TPMT: variants seen among roughly 807,000 people sequenced by gnomAD.
TPMT encodes thiopurine S-methyltransferase.
Under a neutral mutation model 34.2 loss-of-function variants are expected in TPMT, and 18 were observed. The observed-to-expected ratio is 0.53, with a 90% CI of 0.36 to 0.78. TPMT has a LOEUF of 0.78. Among genes scored for constraint, TPMT ranks in the 30% least tolerant of loss-of-function variants. TPMT has a pLI of 0.00. For synonymous variants in TPMT, 69 were observed against 92.4 expected, an observed-to-expected ratio of 0.75 and a Z score of 1.45; for missense variants, 265 against 288.1, an observed-to-expected ratio of 0.92 and a Z score of 0.58.
rs1392782694 is a variant in TPMT at position 18,130,292 on chromosome 6, AT to A, written c.*375del. The A allele has an allele frequency of 2.1e-5, 4 of 192,472 alleles. No homozygotes were observed. The highest frequency in any genetic ancestry group is 8.8e-5 in the South Asian group (1 of 11,398). The allele number at this position is 192,472 out of a possible 1,614,324, so 11.9% of individuals were successfully genotyped here. A position where few individuals can be genotyped will look rare whatever the true frequency, so the allele number is the denominator to read the frequency against. ...AAGAACGAAACTCCATCTCAAAAAA[AT>A]AAAACAAAATAAATGCCAGTTTTTC... On this transcript the variant is annotated 3_prime_UTR_variant, in exon 9 of 9. Transcript: ENST00000309983. The surrounding 1 kb of genome is among the most constrained non-coding windows in gnomAD (Gnocchi z 4.2).
chr6:18,137,876 C>T (rs1467676362), intron 6 of TPMT, among the ~76,000 whole-genome samples: 2 of 152,206 alleles, frequency 1.3e-5, no homozygotes, highest in South Asian at 2.1e-4. Context: ...ACCTCTGCCT[C>T]CTGGGTTCAA....
Position 18,148,953 on chromosome 6 carries a change from G to T in TPMT, c.140+35C>A. 1 of 1,612,116 alleles carries T rather than the reference G, an allele frequency of 6.2e-7. No homozygotes were observed. The highest frequency in any genetic ancestry group is 8.5e-7 in the Non-Finnish European group (1 of 1,179,782). On this transcript the variant is annotated intron_variant, in intron 2 of 8. Transcript: ENST00000309983. This position sits in a 1 kb window ranked among gnomAD's most constrained non-coding sequence, Gnocchi z 4.1. ...TCTATCTCAAAGTCACTTTTTGATA[G>T]AACATTTCTCTATTGTATACCAAAT...
chr6:18,144,550 T>A (rs1269792827), intron 3 of TPMT, among the ~76,000 whole-genome samples: 1 of 151,888 alleles, frequency 6.6e-6, no homozygotes, highest in South Asian at 2.1e-4. Context: ...GGCTAATTTT[T>A]GTATTTTTAG....
Position 18,130,489 on chromosome 6 carries a change from T to G in TPMT, c.*179A>C. 1 of 562,258 alleles carries G rather than the reference T, an allele frequency of 1.8e-6. No homozygotes were observed. Among genetic ancestry groups the G allele is most frequent in the Non-Finnish European group, 3.2e-6 (1 of 313,052 alleles). The allele number at this position is 562,258 out of a possible 1,614,324, so 34.8% of individuals were successfully genotyped here. On this transcript the variant is annotated 3_prime_UTR_variant, in exon 9 of 9. Coordinates refer to ENST00000309983, the MANE Select transcript of TPMT (RefSeq NM_000367.5). The surrounding 1 kb of genome is among the most constrained non-coding windows in gnomAD (Gnocchi z 4.2). ...ACTTTAAAAGTTTAGTTACATCTTT[T>G]TCTTCTAAAACTTTTTTAGAAAAAG...
In TPMT at chr6:18,154,732, C is replaced by CACT. The variant is rs1215042805; in HGVS notation, c.-45+298_-45+300dup. 6.6e-6 allele frequency among the ~76,000 whole-genome samples: 1 copy of CACT among 152,040 alleles called. No homozygotes were observed. Among genetic ancestry groups the CACT allele is most frequent in the Non-Finnish European group, 1.5e-5 (1 of 68,004 alleles). On this transcript the variant is annotated intron_variant, in intron 1 of 8. Transcript: ENST00000309983. The surrounding 1 kb of genome is among the most constrained non-coding windows in gnomAD (Gnocchi z 4.2). ...AGGTTACAGTGAGCTATGATTGTGC[C>CACT]ACTGCACGCTAGCATGGGCGACAGA...
Position 18,138,886 on chromosome 6 carries a change from T to A in TPMT, c.494+77A>T. ...ATTTCAAACTCATAGAAGTCTAAGC[T>A]GATTTTCTAGAACCCAGAAAAAGTA... On this transcript the variant is annotated intron_variant, in intron 6 of 8. Coordinates refer to ENST00000309983, the MANE Select transcript of TPMT (RefSeq NM_000367.5). The surrounding 1 kb of genome is among the most constrained non-coding windows in gnomAD (Gnocchi z 4.1). 5 of 1,237,278 alleles carry A rather than the reference T, an allele frequency of 4.0e-6. No homozygotes were observed. The South Asian group carries it at 6.3e-5, about 16-fold the overall frequency. 76.6% of individuals were successfully genotyped at this position (1,237,278 alleles called of 1,614,324 possible).
chr6:18,147,933 A>AT lies in TPMT; in HGVS notation c.141-19_141-18insA. The AT allele has an allele frequency of 6.2e-7, 1 of 1,607,124 alleles. No homozygotes were observed. The highest frequency in any genetic ancestry group is 1.1e-5 in the South Asian group (1 of 90,612). On this transcript the variant is annotated intron_variant, in intron 2 of 8. Transcript: ENST00000309983. The stretch of plus-strand genomic sequence containing the variant: ...TTAATAGCCTGAAGAGGAAAAAAAA[A>AT]AAGGTTTTAGGACAATTGTATGGTA...
Position 18,154,469 on chromosome 6 carries a change from C to CG in TPMT, c.-45+563dup. On this transcript the variant is annotated intron_variant, in intron 1 of 8. Coordinates refer to ENST00000309983, the MANE Select transcript of TPMT (RefSeq NM_000367.5). The surrounding 1 kb of genome is among the most constrained non-coding windows in gnomAD (Gnocchi z 4.2). ...CATATACATACACCTGTGTAACCACCGCAGAGCAAGACAGAATATTTACAG... is the reference window on the plus strand; with the variant it reads ...CATATACATACACCTGTGTAACCACCGGCAGAGCAAGACAGAATATTTACAG... Among the ~76,000 whole-genome samples the CG allele has an allele frequency of 6.6e-6, 1 of 152,178 alleles. No homozygotes were observed. Among genetic ancestry groups the CG allele is most frequent in the East Asian group, 1.9e-4 (1 of 5,182 alleles).
Position 18,138,911 on chromosome 6 carries a change from A to G in TPMT, c.494+52T>C. ...TGATTTTCTAGAACCCAGAAAAAGT[A>G]TAGTATACTAAAAAATTAAGACAGC... On this transcript the variant is annotated intron_variant, in intron 6 of 8. Transcript: ENST00000309983. The surrounding 1 kb of genome is among the most constrained non-coding windows in gnomAD (Gnocchi z 4.1). The G allele has an allele frequency of 2.1e-6, 3 of 1,437,018 alleles. No homozygotes were observed. The highest frequency in any genetic ancestry group is 2.9e-6 in the Non-Finnish European group (3 of 1,022,290). The allele number at this position is 1,437,018 out of a possible 1,614,324, so 89.0% of individuals were successfully genotyped here.
rs11967496 is a variant in TPMT at position 18,145,519 on chromosome 6, T to C, written c.234-1791A>G. 0.052 allele frequency among the ~76,000 whole-genome samples: 7,980 copies of C among 152,272 alleles called. 258 individuals carry two copies. Among genetic ancestry groups the C allele is most frequent in the African/African-American group, 0.087 (3,610 of 41,544 alleles). ...CTCAAATTTTTCCCTAATATATCAA[T>C]TGAGTTAGAATTCAGTTTTGAAACA... On this transcript the variant is annotated intron_variant, in intron 3 of 8. Coordinates refer to ENST00000309983, the MANE Select transcript of TPMT (RefSeq NM_000367.5). The surrounding 1 kb of genome is among the most constrained non-coding windows in gnomAD (Gnocchi z 5.6).
chr6:18,130,750 T>G lies in TPMT; in HGVS notation c.656A>C (p.Lys219Thr). The G allele has an allele frequency of 6.2e-7, 1 of 1,613,666 alleles. No homozygotes were observed. Among genetic ancestry groups the G allele is most frequent in the Non-Finnish European group, 8.5e-7 (1 of 1,179,886 alleles). ...ATGTCGTTCTTCAAAAGCATCAACC[T>G]TCTCAAGACAACGTATATTGCATAT... is the stretch of plus-strand genomic sequence containing the variant. Reference protein sequence around the residue: ...GKICNIRCLEKVDAFEERHKS... With the variant: ...GKICNIRCLETVDAFEERHKS... The change falls in exon 9 of 9, where the codon AAG (lysine) becomes ACG (threonine). Residue 219 changes from lysine to threonine, a missense_variant. By Grantham distance (78) the Lys-to-Thr change is moderately conservative (BLOSUM62 -1). Transcript: ENST00000309983. The surrounding 1 kb of genome is among the most constrained non-coding windows in gnomAD (Gnocchi z 4.2).
At position 18,149,091 on chromosome 6, in the gene TPMT, A is replaced by C; in HGVS notation, c.37T>G (p.Tyr13Asp). 6.2e-7 allele frequency: 1 copy of C among 1,613,952 alleles called. No individual in the cohort carries two copies. Among genetic ancestry groups the C allele is most frequent in the Non-Finnish European group, 8.5e-7 (1 of 1,179,974 alleles). Residue 13 changes from tyrosine (Y) to aspartate (D), a missense_variant, in exon 2 of 9, where the codon TAC becomes GAC. By Grantham distance (160) the Tyr-to-Asp change is radical. Transcript: ENST00000309983. This position sits in a 1 kb window ranked among gnomAD's most constrained non-coding sequence, Gnocchi z 5.0. The stretch of plus-strand genomic sequence containing the variant: ...TTTTTCTGTACCTCAGTATCCGAGT[A>C]CTCTTCAATGTCAAGTGAAGTTCTT... Reference protein sequence around the residue: ...GTRTSLDIEEYSDTEVQKNQV... With the variant: ...GTRTSLDIEEDSDTEVQKNQV...
Position 18,143,987 on chromosome 6 carries a change from G to C in TPMT, c.234-259C>G, listed in dbSNP as rs910711788. Among the ~76,000 whole-genome samples the C allele has an allele frequency of 6.6e-6, 1 of 152,150 alleles. No homozygotes were observed. The highest frequency in any genetic ancestry group is 1.5e-5 in the Non-Finnish European group (1 of 68,036). On this transcript the variant is annotated intron_variant, in intron 3 of 8. Transcript: ENST00000309983. This position sits in a 1 kb window ranked among gnomAD's most constrained non-coding sequence, Gnocchi z 6.1. Reference sequence around the variant, plus strand: ...TATATCTTTTTTTATGTATGAAACAGTTGGAATGTAATTATAGATATATAA... The same window carrying C: ...TATATCTTTTTTTATGTATGAAACACTTGGAATGTAATTATAGATATATAA...
At position 18,154,665 on chromosome 6, in the gene TPMT, G is replaced by T. The variant is rs1784443967; in HGVS notation, c.-45+368C>A. ...CAGCGAGCCTGTAGTCCCAGTTACCGAGGAGGCTGGGGCGGGAAGATCACT... is the reference window on the plus strand; with the variant it reads ...CAGCGAGCCTGTAGTCCCAGTTACCTAGGAGGCTGGGGCGGGAAGATCACT... On this transcript the variant is annotated intron_variant, in intron 1 of 8. Transcript: ENST00000309983. The surrounding 1 kb of genome is among the most constrained non-coding windows in gnomAD (Gnocchi z 4.2). Among the ~76,000 whole-genome samples the T allele has an allele frequency of 6.6e-6, 1 of 152,098 alleles. No individual in the cohort carries two copies. Among genetic ancestry groups the T allele is most frequent in the Non-Finnish European group, 1.5e-5 (1 of 68,012 alleles).
rs1784435055 is a variant in TPMT at position 18,154,449 on chromosome 6, A to T, written c.-45+584T>A. On this transcript the variant is annotated intron_variant, in intron 1 of 8. Transcript: ENST00000309983. This position sits in a 1 kb window ranked among gnomAD's most constrained non-coding sequence, Gnocchi z 4.2. ...ATGACTCGGTGAATTTTTTACATATACATACACCTGTGTAACCACCGCAGA... is the reference window on the plus strand; with the variant it reads ...ATGACTCGGTGAATTTTTTACATATTCATACACCTGTGTAACCACCGCAGA... Among the ~76,000 whole-genome samples, 1 of 152,164 alleles carries T rather than the reference A, an allele frequency of 6.6e-6. No individual in the cohort carries two copies. Among genetic ancestry groups the T allele is most frequent in the Non-Finnish European group, 1.5e-5 (1 of 68,018 alleles).
intron 3 of TPMT, among the ~76,000 whole-genome samples, chr6:18,144,397 C>G (rs1157204619): frequency 6.6e-6 from 1 of 152,034 alleles, no homozygotes; most frequent in Admixed American, 6.6e-5. Flanking sequence ...ATTTTTGAGA[C>G]GGAGTCTCAC....
At position 18,153,653 on chromosome 6, in the gene TPMT, T is replaced by C. The variant is rs758660687; in HGVS notation, c.-45+1380A>G. Among the ~76,000 whole-genome samples the C allele has an allele frequency of 2.0e-5, 3 of 152,202 alleles. No homozygotes were observed. The highest frequency in any genetic ancestry group is 2.9e-5 in the Non-Finnish European group (2 of 68,028). On this transcript the variant is annotated intron_variant, in intron 1 of 8. Coordinates refer to ENST00000309983, the MANE Select transcript of TPMT (RefSeq NM_000367.5). This position sits in a 1 kb window ranked among gnomAD's most constrained non-coding sequence, Gnocchi z 4.2. ...ACAAATGGCTTCTGCAAGACCCTGA[T>C]GGTATCAGGAGGTGACTCTGAGTTT...
chr6:18,153,434 A>T lies in TPMT; in HGVS notation c.-45+1599T>A, dbSNP rs1053876542. Among the ~76,000 whole-genome samples, 6 of 152,248 alleles carry T rather than the reference A, an allele frequency of 3.9e-5. No individual in the cohort carries two copies. The highest frequency in any genetic ancestry group is 7.3e-5 in the Non-Finnish European group (5 of 68,040). ...CATTAGTGAAACTAGTTTGGATTAT[A>T]CTAGCATGCTATTATTGGTGGTTCT... On this transcript the variant is annotated intron_variant, in intron 1 of 8. Coordinates refer to ENST00000309983, the MANE Select transcript of TPMT (RefSeq NM_000367.5). The surrounding 1 kb of genome is among the most constrained non-coding windows in gnomAD (Gnocchi z 4.2).
chr6:18,152,400 C>T (rs538236749), intron 1 of TPMT, among the ~76,000 whole-genome samples: 1 of 152,150 alleles, frequency 6.6e-6, no homozygotes, highest in African/African-American at 2.4e-5. Context: ...AAAGTAGATA[C>T]TGAACCATAG....
Sources: allele counts gnomAD v4.1 joint callset (sites outside exome capture counted in the v4.1 genomes callset), GRCh38; gene constraint gnomAD v4.1.1; non-coding constraint Gnocchi (gnomAD v3.1); transcripts MANE v1.5; gene names NCBI Gene and HGNC (gene_info 2026-07-23, HGNC 2026-07-21).